The following HYDIN variants were observed in gnomAD, a reference collection of about 807,000 sequenced individuals.
HYDIN encodes the protein axonemal central pair apparatus protein HYDIN.
HYDIN carries 132 observed loss-of-function variants against 403.9 expected under a neutral mutation model. That is an observed-to-expected ratio of 0.33 (90% CI 0.28 to 0.38). The LOEUF (loss-of-function observed/expected upper bound fraction) is 0.38. Among genes scored for constraint, HYDIN ranks in the 10% least tolerant of loss-of-function variants. The pLI, the probability that HYDIN is intolerant of heterozygous loss-of-function variation, is 1.00. For synonymous variants in HYDIN, 1,202 were observed against 1,891.7 expected (o/e 0.64, Z 9.46); for missense variants, 2,827 against 5,009.5 (o/e 0.56, Z 13.15).
chr16:71,002,210 C>A (rs1002369175), intron 23 of HYDIN, among the ~76,000 whole-genome samples: 2 of 152,124 alleles, frequency 1.3e-5, no homozygotes, highest in African/African-American at 4.8e-5. Context: ...ATAGAGATTA[C>A]GGATAGTTTC....
intron 8 of HYDIN, chr16:71,133,082 T>A (rs925927769): frequency 2.7e-6 from 1 of 366,016 alleles, no homozygotes; most frequent in African/African-American, 2.1e-5. Context: ...ATGGGGAAGA[T>A]GTGTGTCTCC....
chr16:70,947,896 G>C (rs1215991491), intron 41 of HYDIN, among the ~76,000 whole-genome samples: 2 of 148,994 alleles, frequency 1.3e-5, no homozygotes, highest in African/African-American at 5.0e-5. Context: ...GTAATTTATA[G>C]ATTCAATGCC....
chr16:70,886,876 T>A (rs530200867), intron 58 of HYDIN, among the ~76,000 whole-genome samples: 2 of 152,270 alleles, frequency 1.3e-5, no homozygotes, highest in East Asian at 3.9e-4. Flanking sequence ...TGGTAAGGAT[T>A]TCTTTTGGTT....
At chr16:71,081,140 C>A (rs2082773917) in intron 12 of HYDIN, among the ~76,000 whole-genome samples, 1 of 152,020 alleles carries the variant, frequency 6.6e-6, no homozygotes. Context: ...GTTACAACAG[C>A]AAAAGAAAAC....
At position 71,031,525 on chromosome 16, in the gene HYDIN, T is replaced by C. The variant is rs2080911055; in HGVS notation, c.2768+154A>G. 5 of 1,316,940 alleles carry C rather than the reference T, an allele frequency of 3.8e-6. No individual in the cohort carries two copies. In the Admixed American group the frequency reaches 9.4e-5, roughly 25 times the overall value. 81.6% of individuals were successfully genotyped at this position (1,316,940 alleles called of 1,614,324 possible). ...AGAAAATGTCTTCTTGTTGCTGACA[T>C]ACACATCAGGAGGTGGAAGAGTGAG... On this transcript the variant is annotated intron_variant, in intron 19 of 85. Coordinates refer to ENST00000393567, the MANE Select transcript of HYDIN (RefSeq NM_001270974.2).
intron 6 of HYDIN, among the ~76,000 whole-genome samples, chr16:71,154,983 T>C (rs1437477922): frequency 6.8e-6 from 1 of 147,978 alleles, no homozygotes; most frequent in Admixed American, 6.8e-5. Flanking sequence ...AAGTGTTTAT[T>C]ATTCTTTTTG....
chr16:71,141,476 A>T (rs2085170875), intron 7 of HYDIN, among the ~76,000 whole-genome samples: 1 of 152,016 alleles, frequency 6.6e-6, no homozygotes, highest in Non-Finnish European at 1.5e-5. Context: ...ATTACCTAAA[A>T]ATGAAAAAGA....
At chr16:71,146,090 A>G (rs1281288683) in intron 7 of HYDIN, among the ~76,000 whole-genome samples, 1 of 152,208 alleles carries the variant, frequency 6.6e-6, no homozygotes, top group East Asian at 1.9e-4. Flanking sequence ...CAAATGTATT[A>G]AAAATACCCC....
intron 84 of HYDIN, among the ~76,000 whole-genome samples, chr16:70,812,658 T>C (rs1311448366): frequency 2.0e-5 from 3 of 152,288 alleles, no homozygotes; most frequent in African/African-American, 7.2e-5. Flanking sequence ...TAATAAAAGA[T>C]GAATAAAGTC....
intron 13 of HYDIN, among the ~76,000 whole-genome samples, chr16:71,071,873 G>C (rs1405822073): frequency 2.0e-5 from 3 of 152,126 alleles, no homozygotes; most frequent in African/African-American, 7.2e-5. Context: ...GGGATTCATG[G>C]AATATTTTAG....
At chr16:70,951,421 C>T (rs2078071616) in intron 41 of HYDIN, among the ~76,000 whole-genome samples, 1 of 152,132 alleles carries the variant, frequency 6.6e-6, no homozygotes, top group Non-Finnish European at 1.5e-5. Context: ...AGTGCTCTGC[C>T]ACTCCCCTCG....
chr16:70,830,345 T>C (rs1366459408), intron 80 of HYDIN, among the ~76,000 whole-genome samples: 1 of 143,214 alleles, frequency 7.0e-6, no homozygotes, highest in Non-Finnish European at 1.5e-5. Flanking sequence ...AGCTCCTGGT[T>C]TTGACAAAAG....
At chr16:71,178,809 C>T in intron 4 of HYDIN, 119 bp downstream of exon 4, 2 of 838,026 alleles carry the variant, frequency 2.4e-6, no homozygotes, top group South Asian at 1.9e-5. Flanking sequence ...TGTTTTCATA[C>T]TATTTTCCTA....
intron 36 of HYDIN, among the ~76,000 whole-genome samples, chr16:70,969,430 A>T (rs2078675117): frequency 6.6e-6 from 1 of 152,132 alleles, no homozygotes; most frequent in South Asian, 2.1e-4. Context: ...AAATAATTCA[A>T]ATGACATTGG....
At chr16:71,178,906 C>T (rs776301821) in intron 4 of HYDIN, 22 bp downstream of exon 4, 4 of 1,596,574 alleles carry the variant, frequency 2.5e-6, no homozygotes, top group Non-Finnish European at 3.4e-6. Context: ...AACAGTTCAC[C>T]CACCCCAGTG....
intron 18 of HYDIN, among the ~76,000 whole-genome samples, chr16:71,051,609 G>A (rs2081641633): frequency 1.4e-5 from 2 of 147,368 alleles, no homozygotes; most frequent in Admixed American, 1.4e-4. Flanking sequence ...TCACGCTACT[G>A]CACTCCAGCC....
chr16:70,950,517 C>A (rs901476589), intron 41 of HYDIN, among the ~76,000 whole-genome samples: 1 of 151,650 alleles, frequency 6.6e-6, no homozygotes, highest in Non-Finnish European at 1.5e-5. Context: ...CTCAGCCTCC[C>A]GAAGTGCTGG....
chr16:71,131,082 A>G (rs1229531708), intron 8 of HYDIN, among the ~76,000 whole-genome samples: 8 of 80,832 alleles, frequency 9.9e-5, no homozygotes, highest in African/African-American at 1.6e-4. Context: ...ATTTAGCAAC[A>G]TAAGTGCTGA....
Position 70,806,280 on chromosome 16 carries a change from T to C in HYDIN, c.*1300A>G, listed in dbSNP as rs79164410. On this transcript the variant is annotated 3_prime_UTR_variant, in exon 86 of 86. Coordinates refer to ENST00000393567, the MANE Select transcript of HYDIN (RefSeq NM_001270974.2). ...ACTATCTGTGGTTTCAGGCATCTAC[T>C]GGGCACCTTGGAATGTATCCCCTGA... Among the ~76,000 whole-genome samples the C allele has an allele frequency of 1.7e-3, 261 of 152,326 alleles. 3 individuals carry two copies. The East Asian group carries it at 0.047, about 28-fold the overall frequency.
Sources: gnomAD v4.1 joint callset for allele counts (sites outside exome capture counted in the v4.1 genomes callset) on GRCh38, gnomAD v4.1.1 for gene constraint, MANE v1.5 for transcripts, NCBI Gene and HGNC (gene_info 2026-07-23, HGNC 2026-07-21) for gene names.